MTMR14: variants seen among roughly 807,000 people sequenced by gnomAD.
MTMR14 encodes the protein phosphatidylinositol-3,5-bisphosphate 3-phosphatase MTMR14.
In MTMR14, 48 loss-of-function variants were observed where a neutral mutation model predicts 86.3. The ratio of observed to expected loss-of-function variants is 0.56; its 90% CI spans 0.44 to 0.71. The LOEUF (loss-of-function observed/expected upper bound fraction) is 0.71. Ranked by LOEUF, MTMR14 falls within the 30% of genes least tolerant of loss-of-function variation. The pLI, the probability that MTMR14 is intolerant of heterozygous loss-of-function variation, is 0.00. For synonymous variants in MTMR14, 366 were observed against 326.1 expected (o/e 1.12, Z -1.32); for missense variants, 780 against 834.6 (o/e 0.93, Z 0.81).
At position 9,662,217 on chromosome 3, in the gene MTMR14, A is replaced by AT. The variant is rs759762820; in HGVS notation, c.309-50_309-49insT. 13 of 1,401,646 alleles carry AT rather than the reference A, an allele frequency of 9.3e-6. No homozygotes were observed. The African/African-American group carries it at 1.6e-4, about 17-fold the overall frequency. The allele number at this position is 1,401,646 out of a possible 1,614,324, so 86.8% of individuals were successfully genotyped here. On this transcript the variant is annotated intron_variant, in intron 2 of 18. Transcript: ENST00000296003. ...TGTGTGAATAAACACATATACACAA[A>AT]GTGCCCACTTCAAAGTCAGCTTGAC...
chr3:9,697,903 G>A lies in MTMR14; in HGVS notation c.1769+37G>A. ...GCTTGAGAAGGCAGGATGCTCCCCTGCCCATGGGAAAAGCTGGTGAGCAGT... is the reference window on the plus strand; with the variant it reads ...GCTTGAGAAGGCAGGATGCTCCCCTACCCATGGGAAAAGCTGGTGAGCAGT... On this transcript the variant is annotated intron_variant, in intron 18 of 18. Coordinates refer to ENST00000296003, the MANE Select transcript of MTMR14 (RefSeq NM_001077525.3). 2.5e-6 allele frequency: 4 copies of A among 1,613,110 alleles called. No homozygotes were observed. The Admixed American group carries it at 5.0e-5, about 20-fold the overall frequency.
At chr3:9,686,466 A>G (rs1287041369) in intron 13 of MTMR14, among the ~76,000 whole-genome samples, 1 of 152,154 alleles carries the variant, frequency 6.6e-6, no homozygotes, top group Non-Finnish European at 1.5e-5. Context: ...CTGCAGGTTC[A>G]TCTTCAGGAC....
chr3:9,664,829 T>C (rs902466956), intron 3 of MTMR14, among the ~76,000 whole-genome samples: 2 of 152,084 alleles, frequency 1.3e-5, no homozygotes, highest in African/African-American at 4.8e-5. Context: ...ATGAGTAAGA[T>C]CTAGTATTTG....
At chr3:9,660,813 A>G (rs1574949101) in intron 2 of MTMR14, among the ~76,000 whole-genome samples, 2 of 152,168 alleles carry the variant, frequency 1.3e-5, no homozygotes, top group East Asian at 3.9e-4. Context: ...AGGAAGGAAC[A>G]TGAGTATTTT....
At position 9,649,534 on chromosome 3, in the gene MTMR14, A is replaced by G. The variant is rs753905857; in HGVS notation, c.-50A>G. On this transcript the variant is annotated 5_prime_UTR_variant, in exon 1 of 19. Coordinates refer to ENST00000296003, the MANE Select transcript of MTMR14 (RefSeq NM_001077525.3). Reference sequence around the variant, plus strand: ...TCTAGTGTCGGAGTTGGGTGCAGGCAGGTGCCATGGGCCCGCTTGAGGCAC... The same window carrying G: ...TCTAGTGTCGGAGTTGGGTGCAGGCGGGTGCCATGGGCCCGCTTGAGGCAC... The G allele has an allele frequency of 1.2e-5, 18 of 1,510,802 alleles. No homozygotes were observed. Among genetic ancestry groups the G allele is most frequent in the East Asian group, 7.4e-5 (3 of 40,462 alleles). The allele number at this position is 1,510,802 out of a possible 1,614,324, so 93.6% of individuals were successfully genotyped here.
intron 3 of MTMR14, among the ~76,000 whole-genome samples, chr3:9,663,501 CTTTTT>C (rs4021721): frequency 1.9e-4 from 13 of 69,966 alleles, no homozygotes; most frequent in South Asian, 5.9e-4. Context: ...GAGTCTCTCT[CTTTTT>C]TTTTTTTTTT....
At position 9,701,629 on chromosome 3, in the gene MTMR14, T is replaced by C. The variant is rs2076461235; in HGVS notation, c.1770-161T>C. On this transcript the variant is annotated intron_variant, in intron 18 of 18. Coordinates refer to ENST00000296003, the MANE Select transcript of MTMR14 (RefSeq NM_001077525.3). The surrounding 1 kb of genome is among the most constrained non-coding windows in gnomAD (Gnocchi z 4.2). ...GTTTAAGGGAAAACAGGGCCAGATATTTGGGGCCTGAACCACAAGGATAGC... is the reference window on the plus strand; with the variant it reads ...GTTTAAGGGAAAACAGGGCCAGATACTTGGGGCCTGAACCACAAGGATAGC... 5 of 826,024 alleles carry C rather than the reference T, an allele frequency of 6.1e-6. No homozygotes were observed. The highest frequency in any genetic ancestry group is 9.9e-6 in the Non-Finnish European group (5 of 502,694). 51.2% of individuals were successfully genotyped at this position (826,024 alleles called of 1,614,324 possible).
rs1184960812 is a variant in MTMR14, at chr3:9,677,656, A to G, written c.822+269A>G. On this transcript the variant is annotated intron_variant, in intron 8 of 18. Coordinates refer to ENST00000296003, the MANE Select transcript of MTMR14 (RefSeq NM_001077525.3). This position sits in a 1 kb window ranked among gnomAD's most constrained non-coding sequence, Gnocchi z 4.2. ...GATAGGAAAAGCCCTTCCCTTCTGTACTCTCTGTGTGAAAGCTGGGGGCAG... is the reference window on the plus strand; with the variant it reads ...GATAGGAAAAGCCCTTCCCTTCTGTGCTCTCTGTGTGAAAGCTGGGGGCAG... Among the ~76,000 whole-genome samples, 2 of 151,672 alleles carry G rather than the reference A, an allele frequency of 1.3e-5. No homozygotes were observed. Among genetic ancestry groups the G allele is most frequent in the African/African-American group, 2.4e-5 (1 of 41,242 alleles).
Position 9,684,899 on chromosome 3 carries a change from C to G in MTMR14, c.1062C>G (p.Ile354Met). The G allele has an allele frequency of 6.2e-7, 1 of 1,614,136 alleles. No homozygotes were observed. Among genetic ancestry groups the G allele is most frequent in the Non-Finnish European group, 8.5e-7 (1 of 1,179,994 alleles). ...LRLSLWADGL[I>M]HTSLKPTEIL... ...GTGGTCTCTTCCAGGATGGGCTCATCCACACGTCCCTGAAGCCCACTGAGA... is the reference window on the plus strand; with the variant it reads ...GTGGTCTCTTCCAGGATGGGCTCATGCACACGTCCCTGAAGCCCACTGAGA... The change falls in exon 12 of 19, where the codon ATC (isoleucine) becomes ATG (methionine). Residue 354 changes from isoleucine (I) to methionine (M), a missense_variant. Coordinates refer to ENST00000296003, the MANE Select transcript of MTMR14 (RefSeq NM_001077525.3).
At position 9,653,673 on chromosome 3, in the gene MTMR14, T is replaced by G; in HGVS notation, c.212T>G (p.Phe71Cys). 4.3e-6 allele frequency: 7 copies of G among 1,614,184 alleles called. No individual in the cohort carries two copies. Among genetic ancestry groups the G allele is most frequent in the Non-Finnish European group, 5.9e-6 (7 of 1,180,038 alleles). Reference sequence around the variant, plus strand: ...GAGCTGTTTGGCCGAGACTACTGTTTCAGCGTGATTCCAAACACGAATGGG... The same window carrying G: ...GAGCTGTTTGGCCGAGACTACTGTTGCAGCGTGATTCCAAACACGAATGGG... ...CLELFGRDYC[F>C]SVIPNTNGDI... Residue 71 changes from phenylalanine to cysteine, a missense_variant, in exon 2 of 19, where the codon TTC becomes TGC. Phe to Cys is a radical substitution (Grantham distance 205). Coordinates refer to ENST00000296003, the MANE Select transcript of MTMR14 (RefSeq NM_001077525.3).
chr3:9,689,041 C>T lies in MTMR14; in HGVS notation c.1392C>T (p.Ala464=), dbSNP rs201461372. The part of the protein sequence containing the change: ...PGATGSFTYE[A]VELVPAGAPT... ...CCACTGGGAGCTTCACCTATGAGGC[C>T]GTGGAGCTGGTCCCAGCAGGAGCGC... The change falls in exon 16 of 19, where the codon GCC becomes GCT. Residue 464 remains alanine, a synonymous_variant. Coordinates refer to ENST00000296003, the MANE Select transcript of MTMR14 (RefSeq NM_001077525.3). 2.1e-5 allele frequency: 34 copies of T among 1,613,502 alleles called. No individual in the cohort carries two copies. In the Middle Eastern group the frequency reaches 4.9e-4, roughly 23 times the overall value.
chr3:9,651,233 C>T (rs1408064088), intron 1 of MTMR14, among the ~76,000 whole-genome samples: 2 of 152,152 alleles, frequency 1.3e-5, no homozygotes, highest in Non-Finnish European at 2.9e-5. Context: ...TGCCAAGCAC[C>T]TGGGACCACA....
chr3:9,653,953 G>A, intron 2 of MTMR14, 184 bp downstream of exon 2: 1 of 742,956 alleles, frequency 1.3e-6, no homozygotes, highest in South Asian at 1.6e-5. Flanking sequence ...ATAGAATGAG[G>A]GGTTGGGAGT....
chr3:9,685,707 C>G (rs2075921892), intron 13 of MTMR14, among the ~76,000 whole-genome samples: 1 of 149,614 alleles, frequency 6.7e-6, no homozygotes. Flanking sequence ...ATGGTTGCCT[C>G]CAGGTCCCCT....
At chr3:9,676,746 C>G (rs190231767) in intron 7 of MTMR14, among the ~76,000 whole-genome samples, 1 of 152,152 alleles carries the variant, frequency 6.6e-6, no homozygotes, top group East Asian at 1.9e-4. Context: ...GATTTTTCCA[C>G]CAAAGAATAT....
At chr3:9,684,772 T>G (rs1324303553) in intron 11 of MTMR14, 102 bp downstream of exon 11, 1 of 1,535,570 alleles carries the variant, frequency 6.5e-7, no homozygotes, top group East Asian at 2.3e-5. Flanking sequence ...AGAGCAGATG[T>G]GTTTAACCCT....
At chr3:9,697,607 G>C in intron 17 of MTMR14, 104 bp from the exon 18 acceptor site, 1 of 1,319,340 alleles carries the variant, frequency 7.6e-7, no homozygotes, top group South Asian at 1.4e-5. Context: ...ATTGACAACA[G>C]AACCTAGCAG....
chr3:9,656,172 C>T lies in MTMR14; in HGVS notation c.308+2403C>T, dbSNP rs550849276. On this transcript the variant is annotated intron_variant, in intron 2 of 18. Transcript: ENST00000296003. ...ATCGAACCACTGCATTCCAGCCTGG[C>T]GACAGGGTGAGACTCCATCTCAAAA... Among the ~76,000 whole-genome samples the T allele has an allele frequency of 2.4e-3, 365 of 151,550 alleles. 2 individuals are homozygous for T. The highest frequency in any genetic ancestry group is 8.3e-3 in the African/African-American group (344 of 41,324).
In MTMR14 at chr3:9,685,191, C is replaced by T. The variant is rs200240328; in HGVS notation, c.1128-20C>T. The T allele has an allele frequency of 9.9e-6, 16 of 1,614,170 alleles. No individual in the cohort carries two copies. The African/African-American group carries it at 1.6e-4, about 16-fold the overall frequency. ...CATCTTGGTGCTGCTGACTTTGCCT[C>T]TCTACCCTCCTTTTTTCAGGCACAT... On this transcript the variant is annotated intron_variant, in intron 12 of 18. Transcript: ENST00000296003.
Sources: gnomAD v4.1 joint callset for allele counts (sites outside exome capture counted in the v4.1 genomes callset) on GRCh38, gnomAD v4.1.1 for gene constraint, Gnocchi (gnomAD v3.1) non-coding constraint, MANE v1.5 for transcripts, NCBI Gene and HGNC (gene_info 2026-07-23, HGNC 2026-07-21) for gene names.